The following AGBL4 variants were observed in gnomAD, a reference collection of about 807,000 sequenced individuals.
AGBL4 encodes the protein cytosolic carboxypeptidase 6.
Under a neutral mutation model 66.4 loss-of-function variants are expected in AGBL4, and 58 were observed. The ratio of observed to expected loss-of-function variants is 0.87; its 90% CI spans 0.71 to 1.09. AGBL4 has a LOEUF of 1.09. Among genes scored for constraint, AGBL4 ranks in the 50% least tolerant of loss-of-function variants. The probability of loss-of-function intolerance (pLI) is 0.00; values close to 1 mark genes in which losing one functional copy is unlikely to be tolerated. For synonymous variants in AGBL4, 234 were observed against 222.9 expected (o/e 1.05, Z -0.44); for missense variants, 579 against 631.0 (o/e 0.92, Z 0.88).
At chr1:49,040,052 C>T (rs916563094) in intron 5 of AGBL4, among the ~76,000 whole-genome samples, 1 of 151,910 alleles carries the variant, frequency 6.6e-6, no homozygotes, top group African/African-American at 2.4e-5. Flanking sequence ...AAAAGACAGG[C>T]ATGGTTTGGA....
At chr1:49,462,985 G>A (rs1430314146) in intron 3 of AGBL4, among the ~76,000 whole-genome samples, 3 of 151,696 alleles carry the variant, frequency 2.0e-5, no homozygotes, top group Non-Finnish European at 3.0e-5. Flanking sequence ...ATAAGAAAAT[G>A]GGGAAAGTTG....
intron 1 of AGBL4, among the ~76,000 whole-genome samples, chr1:49,998,781 A>G (rs1572034937): frequency 6.6e-6 from 1 of 152,224 alleles, no homozygotes; most frequent in African/African-American, 2.4e-5. Context: ...GGTTTAACAT[A>G]TGCAAGTCAA....
At chr1:48,755,036 C>T (rs1048745282) in intron 6 of AGBL4, among the ~76,000 whole-genome samples, 5 of 152,180 alleles carry the variant, frequency 3.3e-5, no homozygotes, top group African/African-American at 1.2e-4. Flanking sequence ...TTAAATCCAT[C>T]TTTTCTTGTG....
chr1:49,443,788 A>G (rs1490282887), intron 3 of AGBL4, among the ~76,000 whole-genome samples: 2 of 150,262 alleles, frequency 1.3e-5, no homozygotes, highest in East Asian at 3.9e-4. Flanking sequence ...TTTATTATAT[A>G]TATATATATT....
intron 3 of AGBL4, among the ~76,000 whole-genome samples, chr1:49,363,074 A>G (rs1372787286): frequency 1.3e-5 from 2 of 152,212 alleles, no homozygotes; most frequent in Non-Finnish European, 2.9e-5. Context: ...GCCATAGCAT[A>G]TAGATGGTAT....
chr1:49,844,562 T>C (rs1646087578), intron 2 of AGBL4: 8 of 802,362 alleles, frequency 1.0e-5, no homozygotes, highest in South Asian at 2.6e-5. Context: ...TATTTTTAAA[T>C]AGTCAAAGCC....
chr1:49,536,795 T>C (rs1001625855), intron 3 of AGBL4, among the ~76,000 whole-genome samples: 4 of 152,162 alleles, frequency 2.6e-5, no homozygotes, highest in East Asian at 1.9e-4. Flanking sequence ...AGAAACCTGA[T>C]GTCAGGAGTT....
intron 6 of AGBL4, among the ~76,000 whole-genome samples, chr1:48,760,046 C>T (rs547137724): frequency 1.3e-5 from 2 of 152,290 alleles, no homozygotes; most frequent in African/African-American, 4.8e-5. Flanking sequence ...CTTAGGGTCA[C>T]ATAGTGAGAT....
intron 1 of AGBL4, among the ~76,000 whole-genome samples, chr1:49,958,486 C>T (rs1367224619): frequency 4.6e-5 from 7 of 151,922 alleles, no homozygotes; most frequent in Non-Finnish European, 2.9e-5. Flanking sequence ...AAATGTGGCA[C>T]ATATACACCA....
intron 1 of AGBL4, among the ~76,000 whole-genome samples, chr1:50,005,959 G>A (rs939813925): frequency 2.6e-5 from 4 of 152,110 alleles, no homozygotes; most frequent in Non-Finnish European, 5.9e-5. Flanking sequence ...CACATAGTAA[G>A]AGGAGACAAA....
chr1:48,547,784 C>G (rs1028995924), intron 11 of AGBL4, among the ~76,000 whole-genome samples: 33 of 152,268 alleles, frequency 2.2e-4, no homozygotes, highest in Middle Eastern at 3.4e-3. Context: ...GTTCTCCTGT[C>G]TCAGGGCCTC....
At chr1:48,700,669 C>A (rs1356665891) in intron 6 of AGBL4, among the ~76,000 whole-genome samples, 5 of 152,174 alleles carry the variant, frequency 3.3e-5, no homozygotes, top group Non-Finnish European at 5.9e-5. Flanking sequence ...CTCTTATCTA[C>A]CCACAAAAGA....
At chr1:49,804,599 A>G (rs1049384835) in intron 2 of AGBL4, among the ~76,000 whole-genome samples, 6 of 152,192 alleles carry the variant, frequency 3.9e-5, no homozygotes, top group Non-Finnish European at 5.9e-5. Flanking sequence ...AAACACTGAT[A>G]GTTTTGTTAT....
At chr1:49,050,564 A>G (rs1644189558) in intron 4 of AGBL4, among the ~76,000 whole-genome samples, 1 of 152,138 alleles carries the variant, frequency 6.6e-6, no homozygotes, top group African/African-American at 2.4e-5. Flanking sequence ...ACTTTAAGTC[A>G]TGCCCTGAAT....
intron 5 of AGBL4, among the ~76,000 whole-genome samples, chr1:48,929,498 GAAT>G (rs1436370282): frequency 1.3e-5 from 2 of 152,042 alleles, no homozygotes; most frequent in Non-Finnish European, 2.9e-5. Context: ...TGTAACCTTT[GAAT>G]CTGGAAACCA....
intron 1 of AGBL4, among the ~76,000 whole-genome samples, chr1:49,988,482 G>C (rs1659687186): frequency 6.6e-6 from 1 of 152,094 alleles, no homozygotes; most frequent in Non-Finnish European, 1.5e-5. Flanking sequence ...TTTCCCCTCA[G>C]TGATATAGAA....
chr1:49,376,189 T>A (rs1644468036), intron 3 of AGBL4, among the ~76,000 whole-genome samples: 2 of 152,102 alleles, frequency 1.3e-5, no homozygotes, highest in African/African-American at 4.8e-5. Context: ...CCTTTATGCC[T>A]TGGTGCTATT....
intron 1 of AGBL4, among the ~76,000 whole-genome samples, chr1:49,947,956 ATATATAAATATATATATT>A (rs1423928793): frequency 2.9e-5 from 3 of 104,362 alleles, no homozygotes; most frequent in East Asian, 3.2e-4. Flanking sequence ...GCTGCAATAT[ATATATAAATATATATATT>A]TATAAATATA....
intron 5 of AGBL4, among the ~76,000 whole-genome samples, chr1:48,902,343 G>A (rs1652166345): frequency 1.3e-5 from 2 of 152,162 alleles, no homozygotes; most frequent in South Asian, 2.1e-4. Context: ...ACTATATGGT[G>A]GTAGTGGGAG....
Sources: gnomAD v4.1 joint callset for allele counts (sites outside exome capture counted in the v4.1 genomes callset) on GRCh38, gnomAD v4.1.1 for gene constraint, MANE v1.5 for transcripts, NCBI Gene and HGNC (gene_info 2026-07-23, HGNC 2026-07-21) for gene names.